Variants in ADAM9 observed in about 807,000 individuals in gnomAD.
ADAM9 encodes the protein ADAM metallopeptidase domain 9.
A neutral mutation model predicts 108.1 loss-of-function variants in ADAM9; 54 were observed. The observed-to-expected ratio is 0.50, with a 90% confidence interval of 0.40 to 0.63. The LOEUF (loss-of-function observed/expected upper bound fraction) is 0.63. Ranked by LOEUF, ADAM9 falls within the 20% of genes least tolerant of loss-of-function variation. The pLI is 0.00. For synonymous variants in ADAM9, 316 were observed against 336.0 expected (o/e 0.94, Z 0.65); for missense variants, 830 against 997.7 (o/e 0.83, Z 2.26).
chr8:39,065,985 A>G (rs574822273), intron 14 of ADAM9, among the ~76,000 whole-genome samples: 207 of 152,110 alleles, frequency 1.4e-3, no homozygotes, highest in African/African-American at 4.7e-3. Flanking sequence ...CCAACCTATG[A>G]GTGAGAACAT....
chr8:39,055,612 C>A lies in ADAM9; in HGVS notation c.1431C>A (p.Thr477=), dbSNP rs1324502878. 2.5e-6 allele frequency: 4 copies of A among 1,613,546 alleles called. No individual in the cohort carries two copies. The East Asian group carries it at 8.9e-5, about 36-fold the overall frequency. ...LPGGTLCRGK[T]SECDVPEYCN... Reference sequence around the variant, plus strand: ...GAGGTACTTTATGCCGAGGAAAAACCAGTGAGTGTGATGTTCCAGAGTACT... The same window carrying A: ...GAGGTACTTTATGCCGAGGAAAAACAAGTGAGTGTGATGTTCCAGAGTACT... The change falls in exon 14 of 22, where the codon ACC becomes ACA. Residue 477 remains threonine, a synonymous_variant. Transcript: ENST00000487273.
At chr8:39,027,131 T>G (rs1836948287) in intron 11 of ADAM9, among the ~76,000 whole-genome samples, 1 of 152,194 alleles carries the variant, frequency 6.6e-6, no homozygotes, top group African/African-American at 2.4e-5. Context: ...AGTTATAGAC[T>G]GAAAGTATAA....
Position 39,023,297 on chromosome 8 carries a change from C to A in ADAM9, c.886C>A (p.Arg296=). Residue 296 remains arginine (R), a synonymous_variant, in exon 9 of 22, where the codon CGG becomes AGG. Coordinates refer to ENST00000487273, the MANE Select transcript of ADAM9 (RefSeq NM_003816.3). ...GCGGGAAAAGTTTCTTATCACACGTCGGAGACATGACAGTGCACAGCTAGT... is the reference window on the plus strand; with the variant it reads ...GCGGGAAAAGTTTCTTATCACACGTAGGAGACATGACAGTGCACAGCTAGT... ...QWREKFLITR[R]RHDSAQLVLK... is the part of the protein sequence containing the mutation. 1 of 1,612,454 alleles carries A rather than the reference C, an allele frequency of 6.2e-7. No homozygotes were observed. Among genetic ancestry groups the A allele is most frequent in the Non-Finnish European group, 8.5e-7 (1 of 1,179,480 alleles).
At position 38,997,097 on chromosome 8, in the gene ADAM9, C is replaced by T. The variant is rs1250277598; in HGVS notation, c.34C>T (p.Leu12Phe). The change falls in exon 1 of 22, where the codon CTT (leucine) becomes TTT (phenylalanine). Residue 12 changes from leucine to phenylalanine, a missense_variant. Transcript: ENST00000487273. Reference sequence around the variant, plus strand: ...TGGCGCGCGCTTTCCCTCGGGGACCCTTCGTGTCCGGTGGTTGCTGTTGCT... The same window carrying T: ...TGGCGCGCGCTTTCCCTCGGGGACCTTTCGTGTCCGGTGGTTGCTGTTGCT... ...GSGARFPSGT[L>F]RVRWLLLLGL... is the part of the protein sequence containing the mutation. 2 of 1,607,044 alleles carry T rather than the reference C, an allele frequency of 1.2e-6. No individual in the cohort carries two copies. Among genetic ancestry groups the T allele is most frequent in the South Asian group, 1.1e-5 (1 of 91,058 alleles).
Position 38,996,987 on chromosome 8 carries a change from G to A in ADAM9, c.-77G>A, listed in dbSNP as rs779321085. 9.1e-6 allele frequency: 14 copies of A among 1,546,860 alleles called. No individual in the cohort carries two copies. The Admixed American group carries it at 1.9e-4, about 21-fold the overall frequency. On this transcript the variant is annotated 5_prime_UTR_variant, in exon 1 of 22. Coordinates refer to ENST00000487273, the MANE Select transcript of ADAM9 (RefSeq NM_003816.3). Reference sequence around the variant, plus strand: ...GCTTCCCGGCCAGACTTGGGGCCCCGGCAGGGTTGGAAAATGATGGAAGAG... The same window carrying A: ...GCTTCCCGGCCAGACTTGGGGCCCCAGCAGGGTTGGAAAATGATGGAAGAG...
chr8:39,071,467 T>A, intron 15 of ADAM9, 64 bp downstream of exon 15: 65 of 330,984 alleles, frequency 2.0e-4, no homozygotes, highest in Non-Finnish European at 2.6e-4. Context: ...TCTAGTATCT[T>A]TTTTTTTTTT....
rs1261300142 is a variant in ADAM9, at chr8:39,104,952, A to T, written c.*1252A>T. On this transcript the variant is annotated 3_prime_UTR_variant, in exon 22 of 22. Transcript: ENST00000487273. ...AAAAGTGTTTTTGGTTTGTGTATAT[A>T]TACATATACAAATACAACATTTACA... The T allele has an allele frequency of 7.0e-6, 3 of 427,476 alleles. No individual in the cohort carries two copies. The highest frequency in any genetic ancestry group is 5.2e-5 in the South Asian group (3 of 57,576). 26.5% of individuals were successfully genotyped at this position (427,476 alleles called of 1,614,324 possible).
chr8:39,014,378 T>C, intron 4 of ADAM9: 1 of 551,336 alleles, frequency 1.8e-6, no homozygotes, highest in Non-Finnish European at 3.2e-6. Context: ...TCTCTAAAAG[T>C]GCACTTATTA....
At chr8:39,043,777 C>T (rs1363298146) in intron 12 of ADAM9, among the ~76,000 whole-genome samples, 10 of 152,146 alleles carry the variant, frequency 6.6e-5, no homozygotes, top group Admixed American at 6.6e-4. Flanking sequence ...CACACCCCTC[C>T]CATGCTCCCA....
chr8:39,103,813 C>A lies in ADAM9; in HGVS notation c.*113C>A. ...GTTGCAACTATGAATGAAAACAAAA[C>A]ACCACAAAACAGACTTCACTAACAC... On this transcript the variant is annotated 3_prime_UTR_variant, in exon 22 of 22. Coordinates refer to ENST00000487273, the MANE Select transcript of ADAM9 (RefSeq NM_003816.3). 2.0e-6 allele frequency: 2 copies of A among 978,990 alleles called. No individual in the cohort carries two copies. The highest frequency in any genetic ancestry group is 3.2e-6 in the Non-Finnish European group (2 of 624,812). The allele number at this position is 978,990 out of a possible 1,614,324, so 60.6% of individuals were successfully genotyped here. A position where few individuals can be genotyped will look rare whatever the true frequency, so the allele number is the denominator to read the frequency against.
At chr8:39,072,519 T>C in intron 15 of ADAM9, among the ~76,000 whole-genome samples, 1 of 152,320 alleles carries the variant, frequency 6.6e-6, no homozygotes, top group Admixed American at 6.5e-5. Flanking sequence ...TGTAGGGTGT[T>C]CTTCTTCTCC....
chr8:39,020,570 A>G (rs1363099445), intron 7 of ADAM9, among the ~76,000 whole-genome samples: 1 of 152,204 alleles, frequency 6.6e-6, no homozygotes. Flanking sequence ...CAGGTGTCAA[A>G]GAAAAATTAG....
intron 18 of ADAM9, among the ~76,000 whole-genome samples, chr8:39,085,460 C>A (rs991669316): frequency 6.6e-6 from 1 of 152,138 alleles, no homozygotes; most frequent in Non-Finnish European, 1.5e-5. Flanking sequence ...GCATTTCAAT[C>A]TGATTTAATT....
At chr8:39,025,946 G>A in intron 10 of ADAM9, 62 bp downstream of exon 10, 2 of 1,492,032 alleles carry the variant, frequency 1.3e-6, no homozygotes, top group South Asian at 2.3e-5. Context: ...AGCATTTATT[G>A]ACTGTATACT....
chr8:39,053,640 C>A (rs985125397), intron 12 of ADAM9, among the ~76,000 whole-genome samples: 5 of 152,000 alleles, frequency 3.3e-5, no homozygotes, highest in African/African-American at 1.2e-4. Flanking sequence ...CCACAGAATA[C>A]AAAACAGAAC....
At chr8:39,019,761 A>G (rs1488728373) in intron 7 of ADAM9, among the ~76,000 whole-genome samples, 1 of 152,052 alleles carries the variant, frequency 6.6e-6, no homozygotes, top group African/African-American at 2.4e-5. Flanking sequence ...TTTTGGTTTT[A>G]AAAAAATTCC....
At chr8:39,092,629 A>C (rs2129443254) in intron 20 of ADAM9, among the ~76,000 whole-genome samples, 1 of 152,044 alleles carries the variant, frequency 6.6e-6, no homozygotes, top group East Asian at 1.9e-4. Context: ...ATTTAACAGT[A>C]GTGGTAAAAA....
intron 16 of ADAM9, among the ~76,000 whole-genome samples, chr8:39,080,043 T>C (rs1838971321): frequency 6.6e-6 from 1 of 152,210 alleles, no homozygotes; most frequent in African/African-American, 2.4e-5. Flanking sequence ...ATTGCTGCTG[T>C]TAAATATTTT....
intron 14 of ADAM9, among the ~76,000 whole-genome samples, chr8:39,065,212 G>GT (rs35814763): frequency 0.14 from 18,341 of 134,494 alleles, 2,332 homozygotes; most frequent in African/African-American, 0.35. Flanking sequence ...GTTTTTTTTT[G>GT]TTTTTTTTTT....
Sources: allele counts gnomAD v4.1 joint callset (sites outside exome capture counted in the v4.1 genomes callset), GRCh38; gene constraint gnomAD v4.1.1; transcripts MANE v1.5; gene names NCBI Gene and HGNC (gene_info 2026-07-23, HGNC 2026-07-21).